The following WDR7 variants were observed in gnomAD, a reference collection of about 807,000 sequenced individuals.
The protein encoded by WDR7 is WD repeat domain 7, also known as WD repeat-containing protein 7.
WDR7 carries 46 observed loss-of-function variants against 169.4 expected under a neutral mutation model. The observed-to-expected ratio is 0.27, with a 90% CI of 0.21 to 0.35. The LOEUF is 0.35. Ranked by LOEUF, WDR7 falls within the 10% of genes least tolerant of loss-of-function variation. The pLI, the probability that WDR7 is intolerant of heterozygous loss-of-function variation, is 1.00. For missense variants in WDR7, 1,534 were observed against 1,859.3 expected (o/e 0.83, Z 3.22); for synonymous variants, 612 against 666.8 (o/e 0.92, Z 1.27).
intron 7 of WDR7, among the ~76,000 whole-genome samples, chr18:56,687,959 G>T (rs1411693188): frequency 5.3e-5 from 8 of 152,132 alleles, no homozygotes; most frequent in Non-Finnish European, 1.5e-5. Context: ...GTCACAAAAT[G>T]CAACCTATAC....
At chr18:56,773,837 G>C (rs1051256167) in intron 16 of WDR7, among the ~76,000 whole-genome samples, 3 of 152,024 alleles carry the variant, frequency 2.0e-5, no homozygotes, top group African/African-American at 7.2e-5. Flanking sequence ...TGTTAAGTAC[G>C]TGGTGGTTAA....
intron 12 of WDR7, among the ~76,000 whole-genome samples, chr18:56,711,532 C>T (rs981585307): frequency 3.3e-5 from 5 of 152,062 alleles, no homozygotes; most frequent in African/African-American, 1.2e-4. Context: ...AATTAGCCCA[C>T]TATTTCTTCA....
In WDR7 at chr18:56,862,261, T is replaced by C. The variant is rs545149518; in HGVS notation, c.3305-17683T>C. 2.2e-3 allele frequency among the ~76,000 whole-genome samples: 332 copies of C among 151,964 alleles called. 3 individuals carry two copies. The highest frequency in any genetic ancestry group is 7.7e-3 in the African/African-American group (321 of 41,578). The stretch of plus-strand genomic sequence containing the variant: ...TGATATTGATTTAATAACTTACAAA[T>C]GTAAATTCATCAAGTAATGCATTTT... On this transcript the variant is annotated intron_variant, in intron 20 of 27. Transcript: ENST00000254442.
At chr18:56,791,683 A>C (rs1269687689) in intron 19 of WDR7, among the ~76,000 whole-genome samples, 4 of 152,162 alleles carry the variant, frequency 2.6e-5, no homozygotes, top group Admixed American at 6.5e-5. Context: ...TTAGGGTTTA[A>C]AGTAACCACA....
intron 19 of WDR7, among the ~76,000 whole-genome samples, chr18:56,805,148 G>A (rs1280398936): frequency 1.3e-5 from 2 of 152,108 alleles, no homozygotes; most frequent in Non-Finnish European, 2.9e-5. Flanking sequence ...GGTTCTAGAT[G>A]TTCCTTAATC....
At chr18:56,736,162 A>G (rs2026694486) in intron 14 of WDR7, among the ~76,000 whole-genome samples, 1 of 152,168 alleles carries the variant, frequency 6.6e-6, no homozygotes, top group African/African-American at 2.4e-5. Flanking sequence ...TTCAAAATTC[A>G]GAGTTGCCTC....
intron 16 of WDR7, 23 bp downstream of exon 16, chr18:56,758,976 A>G (rs2043941915): frequency 1.3e-6 from 2 of 1,578,302 alleles, no homozygotes; most frequent in Non-Finnish European, 1.7e-6. Flanking sequence ...CTTATTAAGT[A>G]ATTGACATGA....
intron 25 of WDR7, among the ~76,000 whole-genome samples, chr18:56,942,664 CTATT>C (rs779968188): frequency 2.6e-5 from 4 of 152,040 alleles, no homozygotes; most frequent in Non-Finnish European, 5.9e-5. Flanking sequence ...AGAAACATAA[CTATT>C]TATTTATATC....
chr18:56,879,597 C>T (rs1007783299), intron 20 of WDR7, among the ~76,000 whole-genome samples: 4 of 152,016 alleles, frequency 2.6e-5, no homozygotes, highest in Non-Finnish European at 2.9e-5. Flanking sequence ...TTGATGAAAT[C>T]CTATGTAAAA....
intron 26 of WDR7, among the ~76,000 whole-genome samples, chr18:57,013,226 A>C (rs921976780): frequency 3.3e-5 from 5 of 152,172 alleles, no homozygotes; most frequent in Non-Finnish European, 7.3e-5. Context: ...ATGAGAATCT[A>C]ACACTGCCAC....
At position 56,987,907 on chromosome 18, in the gene WDR7, A is replaced by G. The variant is rs116677021; in HGVS notation, c.4164+25378A>G. Among the ~76,000 whole-genome samples the G allele has an allele frequency of 1.3e-3, 202 of 152,338 alleles. 1 individual carries two copies. The highest frequency in any genetic ancestry group is 4.8e-3 in the African/African-American group (198 of 41,580). ...CAAAGTTAAATTTCATGTTATCATT[A>G]ATTTCTTGAACATTTTACATACTGT... On this transcript the variant is annotated intron_variant, in intron 26 of 27. Transcript: ENST00000254442.
At chr18:56,666,714 T>C (rs1184060621) in intron 1 of WDR7, among the ~76,000 whole-genome samples, 1 of 152,104 alleles carries the variant, frequency 6.6e-6, no homozygotes, top group Non-Finnish European at 1.5e-5. Context: ...GAAGACAATA[T>C]AGGAGAGTGA....
intron 16 of WDR7, among the ~76,000 whole-genome samples, chr18:56,759,258 A>G (rs2043946085): frequency 6.6e-6 from 1 of 152,184 alleles, no homozygotes; most frequent in East Asian, 1.9e-4. Flanking sequence ...CTTGAGTTTA[A>G]AAGTTATACC....
At chr18:57,022,817 T>C (rs1190719093) in intron 27 of WDR7, among the ~76,000 whole-genome samples, 1 of 152,240 alleles carries the variant, frequency 6.6e-6, no homozygotes, top group African/African-American at 2.4e-5. Context: ...TCTTTTTGTC[T>C]TCCAGTTCCT....
At chr18:56,656,279 GT>G (rs1217856567) in intron 1 of WDR7, among the ~76,000 whole-genome samples, 217 of 132,606 alleles carry the variant, frequency 1.6e-3, no homozygotes, top group African/African-American at 2.7e-3. Context: ...TACTGTCACT[GT>G]TTTTTTTTTT....
At chr18:57,002,894 C>T (rs1010627569) in intron 26 of WDR7, among the ~76,000 whole-genome samples, 2 of 152,164 alleles carry the variant, frequency 1.3e-5, no homozygotes, top group African/African-American at 4.8e-5. Context: ...TTATACACTG[C>T]TGTTCAAGGT....
intron 16 of WDR7, among the ~76,000 whole-genome samples, chr18:56,773,861 C>T (rs6566834): frequency 0.038 from 5,731 of 152,098 alleles, 361 homozygotes; most frequent in African/African-American, 0.13. Flanking sequence ...TACAAAGCTT[C>T]TTAACTTCTA....
chr18:56,903,155 G>A (rs2046426815), intron 21 of WDR7, among the ~76,000 whole-genome samples: 1 of 152,114 alleles, frequency 6.6e-6, no homozygotes, highest in Non-Finnish European at 1.5e-5. Flanking sequence ...AAACATACTA[G>A]AGAGTACCTC....
In WDR7 at chr18:56,691,109, A is replaced by T. The variant is rs549518658; in HGVS notation, c.718-107A>T. On this transcript the variant is annotated intron_variant, in intron 7 of 27. Transcript: ENST00000254442. ...TTTCTTTATCTGATGCAGCAAACTG[A>T]GTTTTCTAAATACATTTCCAGGCTT... is the stretch of plus-strand genomic sequence containing the variant. The T allele has an allele frequency of 5.2e-4, 767 of 1,461,712 alleles. 7 individuals carry two copies. The South Asian group carries it at 9.2e-3, about 18-fold the overall frequency. The allele number at this position is 1,461,712 out of a possible 1,614,324, so 90.5% of individuals were successfully genotyped here. A position where few individuals can be genotyped will look rare whatever the true frequency, so the allele number is the denominator to read the frequency against.
Sources: allele counts gnomAD v4.1 joint callset (sites outside exome capture counted in the v4.1 genomes callset), GRCh38; gene constraint gnomAD v4.1.1; transcripts MANE v1.5; gene names NCBI Gene and HGNC (gene_info 2026-07-23, HGNC 2026-07-21).